CPSF6: variants seen among roughly 807,000 people sequenced by gnomAD.
CPSF6 encodes the protein cleavage and polyadenylation specific factor 6.
In CPSF6, 10 loss-of-function variants were observed where a neutral mutation model predicts 56.7. The ratio of observed to expected loss-of-function variants is 0.18; its 90% confidence interval spans 0.11 to 0.30. CPSF6 has a LOEUF of 0.30. CPSF6 is among the 10% of genes least tolerant of loss of function. The pLI is 1.00. For synonymous variants in CPSF6, 248 were observed against 244.8 expected (o/e 1.01, Z -0.12); for missense variants, 419 against 722.9 (o/e 0.58, Z 4.82).
At chr12:69,259,152 T>C in intron 6 of CPSF6, 58 bp downstream of exon 6, 2 of 1,505,208 alleles carry the variant, frequency 1.3e-6, no homozygotes, top group Non-Finnish European at 1.8e-6. Flanking sequence ...ACAATGACTG[T>C]AAATATTAGA....
At chr12:69,265,658 A>G (rs533374340) in intron 9 of CPSF6, among the ~76,000 whole-genome samples, 2 of 138,758 alleles carry the variant, frequency 1.4e-5, no homozygotes, top group East Asian at 4.2e-4. Flanking sequence ...TCTAGAGTGC[A>G]GTGGCACAAT....
rs868290291 is a variant in CPSF6, at chr12:69,261,497, C to T, written c.1470-876C>T. Among the ~76,000 whole-genome samples, 12 of 151,806 alleles carry T rather than the reference C, an allele frequency of 7.9e-5. 1 individual carries two copies. In the Middle Eastern group the frequency reaches 0.014, roughly 172 times the overall value. ...GGAGGGTTGCTTGAGCCTCAGAGGT[C>T]GAGGATGAAATGAACTGTGATCATG... On this transcript the variant is annotated intron_variant, in intron 8 of 9. Transcript: ENST00000435070.
At chr12:69,251,574 T>C (rs1872246134) in intron 2 of CPSF6, among the ~76,000 whole-genome samples, 1 of 152,188 alleles carries the variant, frequency 6.6e-6, no homozygotes, top group Admixed American at 6.5e-5. Flanking sequence ...TAGTTAAATA[T>C]AGTTAAATTA....
In CPSF6 at chr12:69,262,610, A is replaced by G. The variant is rs562233895; in HGVS notation, c.*3+48A>G. 9 of 1,549,804 alleles carry G rather than the reference A, an allele frequency of 5.8e-6. No individual in the cohort carries two copies. In the South Asian group the frequency reaches 7.2e-5, roughly 12 times the overall value. The stretch of plus-strand genomic sequence containing the variant: ...TAAATGTGTGTGTATTCTTAACAGT[A>G]ACTATAACTCCAAGGCTACTGTTTA... On this transcript the variant is annotated intron_variant, in intron 9 of 9. Coordinates refer to ENST00000435070, the MANE Select transcript of CPSF6 (RefSeq NM_007007.3).
chr12:69,246,211 A>G (rs926602258), intron 1 of CPSF6, among the ~76,000 whole-genome samples: 1 of 152,226 alleles, frequency 6.6e-6, no homozygotes, highest in Non-Finnish European at 1.5e-5. Context: ...GTCATGAATC[A>G]TTTTGCTTTA....
chr12:69,256,396 G>A (rs954180358), intron 3 of CPSF6, among the ~76,000 whole-genome samples: 5 of 152,294 alleles, frequency 3.3e-5, no homozygotes, highest in Admixed American at 3.3e-4. Context: ...ACAAAAATGT[G>A]TACTCGTATA....
At chr12:69,240,120 G>C (rs1273466930) in intron 1 of CPSF6, among the ~76,000 whole-genome samples, 5 of 151,444 alleles carry the variant, frequency 3.3e-5, no homozygotes, top group African/African-American at 4.8e-5. Context: ...AGGAAGCCCT[G>C]GCGGGGCGCG....
At chr12:69,239,782 G>T in intron 1 of CPSF6, 76 bp downstream of exon 1, 2 of 1,402,196 alleles carry the variant, frequency 1.4e-6, no homozygotes, top group Middle Eastern at 2.2e-4. Context: ...GCCCGCTGCG[G>T]CCGCGAGCCG....
chr12:69,262,022 G>T (rs981662379), intron 8 of CPSF6, among the ~76,000 whole-genome samples: 5 of 152,170 alleles, frequency 3.3e-5, no homozygotes, highest in Admixed American at 6.5e-5. Context: ...CCATATTGTA[G>T]ATGTTCTTTA....
At position 69,271,302 on chromosome 12, in the gene CPSF6, C is replaced by A. The variant is rs939646760; in HGVS notation, c.*1794C>A. On this transcript the variant is annotated 3_prime_UTR_variant, in exon 10 of 10. Transcript: ENST00000435070. ...TCCTGTTTTCTGTATATTGTTGTGT[C>A]ATTTCTTGGCTTTTTAATATTTTGA... is the stretch of plus-strand genomic sequence containing the variant. 4 of 151,944 alleles carry A rather than the reference C, an allele frequency of 2.6e-5. No individual in the cohort carries two copies. The highest frequency in any genetic ancestry group is 9.7e-5 in the African/African-American group (4 of 41,344). The allele number at this position is 151,944 out of a possible 1,614,324, so 9.4% of individuals were successfully genotyped here.
In CPSF6 at chr12:69,251,341, A is replaced by G. The variant is rs2120501630; in HGVS notation, c.270+3A>G. ...TATATATTGGAAATCTAACATGGGTAAGTGAAGTTAATATAAGAATTAAAT... is the reference window on the plus strand; with the variant it reads ...TATATATTGGAAATCTAACATGGGTGAGTGAAGTTAATATAAGAATTAAAT... On this transcript the variant is annotated splice_donor_region_variant and intron_variant, in intron 2 of 9. Transcript: ENST00000435070. The G allele has an allele frequency of 6.7e-7, 1 of 1,483,600 alleles. No individual in the cohort carries two copies. Among genetic ancestry groups the G allele is most frequent in the South Asian group, 1.1e-5 (1 of 87,022 alleles). The allele number at this position is 1,483,600 out of a possible 1,614,324, so 91.9% of individuals were successfully genotyped here.
intron 1 of CPSF6, among the ~76,000 whole-genome samples, chr12:69,245,640 G>A (rs771444989): frequency 1.1e-4 from 17 of 152,138 alleles, no homozygotes; most frequent in Non-Finnish European, 2.4e-4. Context: ...AAAAAATTCT[G>A]TGAACTTTAG....
At chr12:69,268,998 C>T (rs1779257176) in intron 9 of CPSF6, among the ~76,000 whole-genome samples, 1 of 151,784 alleles carries the variant, frequency 6.6e-6, no homozygotes, top group Non-Finnish European at 1.5e-5. Context: ...TAACATGGAA[C>T]ACCATTTGAT....
At chr12:69,265,996 G>A (rs1872962494) in intron 9 of CPSF6, among the ~76,000 whole-genome samples, 2 of 145,264 alleles carry the variant, frequency 1.4e-5, no homozygotes, top group African/African-American at 2.6e-5. Flanking sequence ...TTTGCATTGT[G>A]TATTCAGCTT....
At chr12:69,257,119 T>G (rs889523406) in intron 4 of CPSF6, among the ~76,000 whole-genome samples, 1 of 152,196 alleles carries the variant, frequency 6.6e-6, no homozygotes, top group Middle Eastern at 3.2e-3. Flanking sequence ...TATTTCCATC[T>G]TAGATACAGA....
chr12:69,260,944 AGT>A (rs537204967), intron 8 of CPSF6, among the ~76,000 whole-genome samples: 253 of 152,260 alleles, frequency 1.7e-3, no homozygotes, highest in African/African-American at 5.8e-3. Context: ...ATGCCTACAG[AGT>A]GTGTGGTACA....
chr12:69,260,128 A>C lies in CPSF6; in HGVS notation c.1400A>C (p.Lys467Thr). The C allele has an allele frequency of 6.2e-7, 1 of 1,613,590 alleles. No individual in the cohort carries two copies. Among genetic ancestry groups the C allele is most frequent in the Non-Finnish European group, 8.5e-7 (1 of 1,179,786 alleles). The change falls in exon 8 of 10, where the codon AAA (lysine) becomes ACA (threonine). Residue 467 changes from lysine to threonine, a missense_variant. Coordinates refer to ENST00000435070, the MANE Select transcript of CPSF6 (RefSeq NM_007007.3). ...QSKVSADDRC[K>T]VLISSLQDCL... ...AAAGTATCTGCTGATGATCGTTGCA[A>C]AGTTCTTATTAGTTCTTTGCAAGAT...
In CPSF6 at chr12:69,258,815, C is replaced by T; in HGVS notation, c.920C>T (p.Pro307Leu). 1 of 1,613,940 alleles carries T rather than the reference C, an allele frequency of 6.2e-7. No individual in the cohort carries two copies. The change falls in exon 6 of 10, where the codon CCT becomes CTT. Residue 307 changes from proline (P) to leucine (L), a missense_variant. Pro to Leu is a moderately conservative substitution (Grantham distance 98). This residue lies in a region of CPSF6 where 211 missense variants were observed against 296.0 expected (regional missense o/e 0.71). Transcript: ENST00000435070. This position sits in a 1 kb window ranked among gnomAD's most constrained non-coding sequence, Gnocchi z 4.2. ...CCAGTTCCAGGCTACGGCCCCCCTC[C>T]TGGCCCACCACCTCCACAACAGGGA... ...PPPVPGYGPPPGPPPPQQGPP... is the reference protein window; with the variant it reads ...PPPVPGYGPPLGPPPPQQGPP...
rs1241759538 is a variant in CPSF6, at chr12:69,269,603, A to G, written c.*95A>G. 2 of 424,100 alleles carry G rather than the reference A, an allele frequency of 4.7e-6. No homozygotes were observed. Among genetic ancestry groups the G allele is most frequent in the East Asian group, 7.8e-5 (1 of 12,862 alleles). 26.3% of individuals were successfully genotyped at this position (424,100 alleles called of 1,614,324 possible). ...CAGTTTGCTTCTTGTGATTGAACTG[A>G]ACCTGTAAGGATTCATGGATAAAAT... On this transcript the variant is annotated 3_prime_UTR_variant, in exon 10 of 10. Transcript: ENST00000435070.
Sources: gnomAD v4.1 joint callset for allele counts (sites outside exome capture counted in the v4.1 genomes callset) on GRCh38, gnomAD v4.1.1 for gene constraint, gnomAD v4.1.1 regional missense constraint, Gnocchi (gnomAD v3.1) non-coding constraint, MANE v1.5 for transcripts, NCBI Gene and HGNC (gene_info 2026-07-23, HGNC 2026-07-21) for gene names.